Variants in KDM2B observed in about 807,000 individuals in gnomAD.
KDM2B encodes lysine-specific demethylase 2B.
A neutral mutation model predicts 150.0 loss-of-function variants in KDM2B; 26 were observed. That is an observed-to-expected ratio of 0.17 (90% confidence interval 0.13 to 0.24). KDM2B has a LOEUF of 0.24. KDM2B is among the 10% of genes least tolerant of loss of function. The probability of loss-of-function intolerance (pLI) is 1.00; values close to 1 mark genes in which losing one functional copy is unlikely to be tolerated. For missense variants in KDM2B, 1,265 were observed against 1,816.9 expected, an observed-to-expected ratio of 0.70 and a Z score of 5.52; for synonymous variants, 734 against 729.5, an observed-to-expected ratio of 1.01 and a Z score of -0.10.
In KDM2B at chr12:121,509,902, G is replaced by A. The variant is rs781789269; in HGVS notation, c.1312C>T (p.Pro438Ser). 6.2e-7 allele frequency: 1 copy of A among 1,613,066 alleles called. No individual in the cohort carries two copies. Among genetic ancestry groups the A allele is most frequent in the Non-Finnish European group, 8.5e-7 (1 of 1,179,818 alleles). Residue 438 changes from proline (P) to serine (S), a missense_variant, in exon 11 of 23, where the codon CCG becomes TCG. By Grantham distance (74) the Pro-to-Ser change is moderately conservative. Transcript: ENST00000377071. Reference protein sequence around the residue: ...EGEGRDRAPKPPTDGSTSPTS... With the variant: ...EGEGRDRAPKSPTDGSTSPTS... Reference sequence around the variant, plus strand: ...GGTGAAGTGGAGCCATCGGTGGGCGGTTTGGGTGCCCTGTCCCTGCCCTCG... The same window carrying A: ...GGTGAAGTGGAGCCATCGGTGGGCGATTTGGGTGCCCTGTCCCTGCCCTCG...
chr12:121,580,457 T>C, intron 1 of KDM2B: 2 of 1,154,310 alleles, frequency 1.7e-6, no homozygotes, highest in South Asian at 5.7e-5. Flanking sequence ...GTTTTGTTGT[T>C]GGGTCACGAG....
At chr12:121,443,371 G>A in intron 17 of KDM2B, 1 of 577,898 alleles carries the variant, frequency 1.7e-6, no homozygotes, top group Admixed American at 3.1e-5. Context: ...CAGCAGGAAT[G>A]GCTAGAGCTG....
Position 121,445,068 on chromosome 12 carries a change from G to A in KDM2B, c.2103+207C>T, listed in dbSNP as rs911958664. ...TTCTGACATCCTGGGAGGTGGGGGTGTGTTTATTCCTTTGATGACACTGGG... is the reference window on the plus strand; with the variant it reads ...TTCTGACATCCTGGGAGGTGGGGGTATGTTTATTCCTTTGATGACACTGGG... On this transcript the variant is annotated intron_variant, in intron 14 of 22. Coordinates refer to ENST00000377071, the MANE Select transcript of KDM2B (RefSeq NM_032590.5). 6.4e-5 allele frequency: 36 copies of A among 560,394 alleles called. No individual in the cohort carries two copies. In the African/African-American group the frequency reaches 6.6e-4, roughly 10 times the overall value. 34.7% of individuals were successfully genotyped at this position (560,394 alleles called of 1,614,324 possible). A position where few individuals can be genotyped will look rare whatever the true frequency, so the allele number is the denominator to read the frequency against.
chr12:121,461,440 C>CA (rs1415530334), intron 12 of KDM2B, among the ~76,000 whole-genome samples: 5 of 151,908 alleles, frequency 3.3e-5, no homozygotes, highest in African/African-American at 1.2e-4. Context: ...GTGGGCAAGA[C>CA]AAAAGACAGG....
intron 12 of KDM2B, among the ~76,000 whole-genome samples, chr12:121,490,651 C>A (rs1301962512): frequency 3.3e-5 from 5 of 152,128 alleles, no homozygotes; most frequent in African/African-American, 1.2e-4. Context: ...CCATCCTGCC[C>A]GTTGGTCATA....
chr12:121,472,981 G>A (rs1183339350), intron 12 of KDM2B, among the ~76,000 whole-genome samples: 1 of 152,038 alleles, frequency 6.6e-6, no homozygotes, highest in African/African-American at 2.4e-5. Context: ...CCTAAACAGA[G>A]CACCAATCCC....
chr12:121,554,033 CCACACACACACA>C (rs56659514), intron 4 of KDM2B, among the ~76,000 whole-genome samples: 191 of 122,138 alleles, frequency 1.6e-3, no homozygotes, highest in African/African-American at 3.4e-3. Flanking sequence ...CACCCCAGCT[CCACACACACACA>C]CACACACACA....
chr12:121,544,553 T>C (rs1888866679), intron 6 of KDM2B, among the ~76,000 whole-genome samples: 1 of 151,168 alleles, frequency 6.6e-6, no homozygotes, highest in Non-Finnish European at 1.5e-5. Flanking sequence ...GAGGTTGCAG[T>C]GAGCTGAGAT....
chr12:121,422,095 G>T, the KDM2B span, among the ~76,000 whole-genome samples: 1 of 152,166 alleles, frequency 6.6e-6, no homozygotes, highest in Non-Finnish European at 1.5e-5. Flanking sequence ...AATGTAAATA[G>T]CAACTATGTA....
chr12:121,552,844 G>C (rs1889608795), intron 4 of KDM2B, among the ~76,000 whole-genome samples: 1 of 152,108 alleles, frequency 6.6e-6, no homozygotes, highest in African/African-American at 2.4e-5. Context: ...CCTTGATCTT[G>C]GCAAGGCTAG....
At position 121,533,765 on chromosome 12, in the gene KDM2B, G is replaced by A. The variant is rs573594172; in HGVS notation, c.777+732C>T. 1.4e-4 allele frequency among the ~76,000 whole-genome samples: 22 copies of A among 151,796 alleles called. No individual in the cohort carries two copies. The highest frequency in any genetic ancestry group is 5.3e-4 in the African/African-American group (22 of 41,464). On this transcript the variant is annotated intron_variant, in intron 7 of 22. Transcript: ENST00000377071. The surrounding 1 kb of genome is among the most constrained non-coding windows in gnomAD (Gnocchi z 4.1). ...GCCTGCATGGGTGACTAGATGCGAT[G>A]TAAAAGGGCTGAACTTGACCTTGCC...
rs1555316571 is a variant in KDM2B, at chr12:121,574,611, C to A, written c.351-18G>T. 6.2e-6 allele frequency: 10 copies of A among 1,613,610 alleles called. No individual in the cohort carries two copies. The highest frequency in any genetic ancestry group is 7.6e-6 in the Non-Finnish European group (9 of 1,179,628). ...CAGGCATCCTGGGGAAAGAGGAGCACAGACCTTTGGTGAGAGGCCAGAAAC... is the reference window on the plus strand; with the variant it reads ...CAGGCATCCTGGGGAAAGAGGAGCAAAGACCTTTGGTGAGAGGCCAGAAAC... On this transcript the variant is annotated intron_variant, in intron 3 of 22. Transcript: ENST00000377071.
chr12:121,579,766 GC>G lies in KDM2B; in HGVS notation c.127-821del, dbSNP rs1213499583. The G allele has an allele frequency of 3.2e-6, 4 of 1,261,416 alleles. No individual in the cohort carries two copies. In the African/African-American group the frequency reaches 6.5e-5, roughly 20 times the overall value. 78.1% of individuals were successfully genotyped at this position (1,261,416 alleles called of 1,614,324 possible). On this transcript the variant is annotated intron_variant, in intron 1 of 22. Transcript: ENST00000377071. ...TCCGGGCGAACCCCGAGCCCGCTCA[GC>G]CCCCCTCCACGCCTTTCCCCGATAC...
chr12:121,491,724 G>T (rs933610722), intron 12 of KDM2B, among the ~76,000 whole-genome samples: 1 of 150,870 alleles, frequency 6.6e-6, no homozygotes, highest in Non-Finnish European at 1.5e-5. Flanking sequence ...AACCCAGGAA[G>T]CGGAGGTGGC....
intron 11 of KDM2B, among the ~76,000 whole-genome samples, chr12:121,503,475 T>C (rs2140641710): frequency 6.8e-6 from 1 of 146,836 alleles, no homozygotes; most frequent in South Asian, 2.1e-4. Flanking sequence ...TTCCTTTTGT[T>C]TTGTTTTGTT....
intron 12 of KDM2B, among the ~76,000 whole-genome samples, chr12:121,482,426 C>T (rs1253948088): frequency 4.6e-5 from 7 of 152,116 alleles, no homozygotes; most frequent in African/African-American, 1.4e-4. Context: ...CCTCAGCCTC[C>T]TGGGTAGCTG....
At chr12:121,512,373 G>A (rs1555304164) in intron 10 of KDM2B, among the ~76,000 whole-genome samples, 5 of 151,984 alleles carry the variant, frequency 3.3e-5, no homozygotes. Context: ...AACCCTGAAC[G>A]TCATTAAGGA....
In KDM2B at chr12:121,430,548, C is replaced by CA; in HGVS notation, c.3830-80dup. The CA allele has an allele frequency of 1.1e-6, 1 of 931,106 alleles. No homozygotes were observed. The highest frequency in any genetic ancestry group is 1.8e-6 in the Non-Finnish European group (1 of 565,250). The allele number at this position is 931,106 out of a possible 1,614,324, so 57.7% of individuals were successfully genotyped here. A position where few individuals can be genotyped will look rare whatever the true frequency, so the allele number is the denominator to read the frequency against. On this transcript the variant is annotated intron_variant, in intron 22 of 22. Coordinates refer to ENST00000377071, the MANE Select transcript of KDM2B (RefSeq NM_032590.5). This position sits in a 1 kb window ranked among gnomAD's most constrained non-coding sequence, Gnocchi z 4.4. ...CCCGCCGCCAGACCCAGGCACTCAGCAGTGGGGACAGGTCAGAGCTCTACA... is the reference window on the plus strand; with the variant it reads ...CCCGCCGCCAGACCCAGGCACTCAGCAAGTGGGGACAGGTCAGAGCTCTACA...
intron 12 of KDM2B, among the ~76,000 whole-genome samples, chr12:121,461,876 G>A (rs944307385): frequency 4.6e-5 from 7 of 152,194 alleles, no homozygotes; most frequent in Admixed American, 2.0e-4. Context: ...ACATTCAACC[G>A]GCAGGTGAGG....
Sources: allele counts gnomAD v4.1 joint callset (sites outside exome capture counted in the v4.1 genomes callset), GRCh38; gene constraint gnomAD v4.1.1; non-coding constraint Gnocchi (gnomAD v3.1); transcripts MANE v1.5; gene names NCBI Gene and HGNC (gene_info 2026-07-23, HGNC 2026-07-21).